Variants in PLPP4 observed in about 807,000 individuals in gnomAD.
The protein encoded by PLPP4 is phospholipid phosphatase 4.
A neutral mutation model predicts 32.2 loss-of-function variants in PLPP4; 20 were observed. The observed-to-expected ratio is 0.62, with a 90% confidence interval of 0.44 to 0.90. PLPP4 has a LOEUF of 0.90. Among genes scored for constraint, PLPP4 ranks in the 40% least tolerant of loss-of-function variants. PLPP4 has a pLI of 0.00. For synonymous variants in PLPP4, 127 were observed against 133.0 expected (o/e 0.95, Z 0.31); for missense variants, 257 against 353.1 (o/e 0.73, Z 2.18).
At chr10:120,486,797 A>C (rs895019657) in intron 1 of PLPP4, among the ~76,000 whole-genome samples, 3 of 152,186 alleles carry the variant, frequency 2.0e-5, no homozygotes, top group African/African-American at 7.2e-5. Context: ...TGAGCTTCCA[A>C]GGGAATGGTG....
chr10:120,459,014 C>T (rs1367705978), intron 1 of PLPP4, among the ~76,000 whole-genome samples: 4 of 152,174 alleles, frequency 2.6e-5, no homozygotes, highest in Admixed American at 1.3e-4. Flanking sequence ...AAGGGTCCAA[C>T]AATATGTAAA....
intron 5 of PLPP4, among the ~76,000 whole-genome samples, chr10:120,539,839 A>G (rs903113679): frequency 3.9e-5 from 6 of 152,046 alleles, no homozygotes; most frequent in Non-Finnish European, 7.4e-5. Context: ...TGCTTTCCTT[A>G]TATACATTTA....
chr10:120,483,710 G>A (rs1027854479), intron 1 of PLPP4, among the ~76,000 whole-genome samples: 4 of 152,154 alleles, frequency 2.6e-5, no homozygotes, highest in African/African-American at 9.7e-5. Flanking sequence ...CCCTCCTTGG[G>A]GATGGGGTGA....
chr10:120,539,448 T>TTG (rs1240649476), intron 5 of PLPP4, among the ~76,000 whole-genome samples: 1 of 152,166 alleles, frequency 6.6e-6, no homozygotes, highest in Non-Finnish European at 1.5e-5. Flanking sequence ...AGTGGGCCCC[T>TTG]TGTAACTGCT....
intron 1 of PLPP4, among the ~76,000 whole-genome samples, chr10:120,491,106 G>A (rs1844699497): frequency 6.6e-6 from 1 of 152,164 alleles, no homozygotes. Context: ...CAGGAGCCGA[G>A]TTCTGGAGGT....
rs376947988 is a variant in PLPP4, at chr10:120,465,185, A to G, written c.56+7824A>G. Among the ~76,000 whole-genome samples, 341 of 152,338 alleles carry G rather than the reference A, an allele frequency of 2.2e-3. 1 individual carries two copies. The highest frequency in any genetic ancestry group is 8.0e-3 in the African/African-American group (332 of 41,576). ...TATCTTGGTAATAGTGCTTCTTTAA[A>G]AAATATTATCTTGCTGTTCTATGTG... On this transcript the variant is annotated intron_variant, in intron 1 of 6. Coordinates refer to ENST00000398250, the MANE Select transcript of PLPP4 (RefSeq NM_001030059.3).
intron 5 of PLPP4, among the ~76,000 whole-genome samples, chr10:120,573,190 AT>A (rs1230283169): frequency 1.3e-5 from 2 of 152,196 alleles, no homozygotes; most frequent in African/African-American, 2.4e-5. Flanking sequence ...GAGGGTGCTA[AT>A]CATTACGCAG....
At chr10:120,519,090 C>T (rs1370685984) in intron 4 of PLPP4, among the ~76,000 whole-genome samples, 194 bp downstream of exon 4, 5 of 152,144 alleles carry the variant, frequency 3.3e-5, no homozygotes, top group Non-Finnish European at 5.9e-5. Flanking sequence ...GAAAGCAGAT[C>T]ACTAGCAAGG....
At chr10:120,524,261 A>G (rs916310348) in intron 5 of PLPP4, among the ~76,000 whole-genome samples, 3 of 152,084 alleles carry the variant, frequency 2.0e-5, no homozygotes, top group African/African-American at 7.2e-5. Context: ...TGTTTTCTGG[A>G]TTTCTTAGTA....
chr10:120,553,811 T>C (rs1051879045), intron 5 of PLPP4, among the ~76,000 whole-genome samples: 1 of 152,224 alleles, frequency 6.6e-6, no homozygotes, highest in African/African-American at 2.4e-5. Context: ...GAGTGCCATG[T>C]CCCCAGGTTA....
chr10:120,523,067 G>A (rs982791539), intron 5 of PLPP4, among the ~76,000 whole-genome samples: 1 of 152,198 alleles, frequency 6.6e-6, no homozygotes, highest in East Asian at 1.9e-4. Context: ...GGAGCCCAAG[G>A]CGGGTGGATC....
At chr10:120,583,332 T>C (rs1849605541) in intron 6 of PLPP4, among the ~76,000 whole-genome samples, 1 of 151,958 alleles carries the variant, frequency 6.6e-6, no homozygotes, top group African/African-American at 2.4e-5. Context: ...GTTTTGCCAA[T>C]GTTATAGGTA....
rs1052334561 is a variant in PLPP4 at position 120,563,656 on chromosome 10, C to T, written c.446-11475C>T. Among the ~76,000 whole-genome samples, 20 of 148,174 alleles carry T rather than the reference C, an allele frequency of 1.3e-4. No individual in the cohort carries two copies. The East Asian group carries it at 2.9e-3, about 22-fold the overall frequency. On this transcript the variant is annotated intron_variant, in intron 5 of 6. Coordinates refer to ENST00000398250, the MANE Select transcript of PLPP4 (RefSeq NM_001030059.3). ...TCTACTAAAAATACAAAAAATTAGC[C>T]GGGCGCGGTGGCGGGCGCCTGTAGT...
At chr10:120,527,528 G>T (rs1470751972) in intron 5 of PLPP4, among the ~76,000 whole-genome samples, 4 of 152,162 alleles carry the variant, frequency 2.6e-5, no homozygotes, top group African/African-American at 4.8e-5. Context: ...CATCTAGGCT[G>T]GTGTGTGTTT....
At chr10:120,552,146 G>A (rs1300944057) in intron 5 of PLPP4, among the ~76,000 whole-genome samples, 1 of 147,334 alleles carries the variant, frequency 6.8e-6, no homozygotes, top group East Asian at 2.0e-4. Context: ...GATGGTGATT[G>A]TGTTGTTAGT....
At chr10:120,574,156 ACACACACACACACTCTCTCTCTCTCTCT>A (rs1849075539) in intron 5 of PLPP4, among the ~76,000 whole-genome samples, 3 of 120,542 alleles carry the variant, frequency 2.5e-5, no homozygotes, top group South Asian at 3.4e-4. Context: ...ACACACACAC[ACACACACACACACTCTCTCTCTCTCTCT>A]CTCTCTCTCT....
At chr10:120,523,373 C>T (rs73371222) in intron 5 of PLPP4, among the ~76,000 whole-genome samples, 2,326 of 152,180 alleles carry the variant, frequency 0.015, 57 homozygotes, top group African/African-American at 0.053. Flanking sequence ...GCAGAACACC[C>T]GTTTGGAGTT....
chr10:120,532,144 G>A (rs1201333743), intron 5 of PLPP4, among the ~76,000 whole-genome samples: 1 of 152,036 alleles, frequency 6.6e-6, no homozygotes, highest in East Asian at 1.9e-4. Flanking sequence ...TCCCACTTAT[G>A]AGTGGGAACA....
intron 3 of PLPP4, among the ~76,000 whole-genome samples, chr10:120,516,684 G>A (rs1845947347): frequency 6.6e-6 from 1 of 152,150 alleles, no homozygotes. Flanking sequence ...CAGTGCTGTG[G>A]GATGCTGTAA....
Sources: allele counts gnomAD v4.1 joint callset (sites outside exome capture counted in the v4.1 genomes callset), GRCh38; gene constraint gnomAD v4.1.1; transcripts MANE v1.5; gene names NCBI Gene and HGNC (gene_info 2026-07-23, HGNC 2026-07-21).